NELL2: variants seen among roughly 807,000 people sequenced by gnomAD.
NELL2 encodes neural EGFL like 2.
Under a neutral mutation model 109.6 loss-of-function variants are expected in NELL2, and 41 were observed. The observed-to-expected ratio is 0.37, with a 90% CI of 0.29 to 0.49. The LOEUF (loss-of-function observed/expected upper bound fraction) is 0.49. NELL2 is among the 20% of genes least tolerant of loss of function. The pLI is 0.98. For synonymous variants in NELL2, 355 were observed against 344.7 expected (o/e 1.03, Z -0.33); for missense variants, 900 against 1,008.3 (o/e 0.89, Z 1.45).
chr12:44,827,182 T>C (rs1943738520), intron 2 of NELL2, among the ~76,000 whole-genome samples: 1 of 152,126 alleles, frequency 6.6e-6, no homozygotes, highest in South Asian at 2.1e-4. Flanking sequence ...CCAAGGTAGG[T>C]ATATATATTT....
chr12:44,549,000 A>T (rs1443126623), intron 15 of NELL2, among the ~76,000 whole-genome samples: 1 of 152,202 alleles, frequency 6.6e-6, no homozygotes, highest in Non-Finnish European at 1.5e-5. Flanking sequence ...ATGACCAGAG[A>T]TCAAAAGAAA....
chr12:44,828,487 C>A (rs74335178), intron 2 of NELL2, among the ~76,000 whole-genome samples: 2 of 152,264 alleles, frequency 1.3e-5, no homozygotes, highest in East Asian at 3.9e-4. Context: ...ATATACATTT[C>A]TTCATGTATC....
intron 15 of NELL2, among the ~76,000 whole-genome samples, chr12:44,566,115 A>G (rs1943648301): frequency 6.6e-6 from 1 of 152,158 alleles, no homozygotes; most frequent in Non-Finnish European, 1.5e-5. Context: ...GAAGAGTGGG[A>G]AAGACTTCCT....
At chr12:44,818,361 T>C (rs1462853738) in intron 2 of NELL2, among the ~76,000 whole-genome samples, 1 of 152,234 alleles carries the variant, frequency 6.6e-6, no homozygotes, top group African/African-American at 2.4e-5. Flanking sequence ...CTTCTCCTCT[T>C]TTCAGGCAGG....
chr12:44,650,328 C>CA (rs1350055671), intron 13 of NELL2, among the ~76,000 whole-genome samples: 21 of 143,618 alleles, frequency 1.5e-4, no homozygotes, highest in Admixed American at 2.8e-4. Flanking sequence ...TACAGCTTCT[C>CA]AAAAAAAAAG....
At chr12:44,914,435 C>T (rs1375318208), upstream of NELL2, among the ~76,000 whole-genome samples, 2 of 152,162 alleles carry the variant, frequency 1.3e-5, no homozygotes, top group Admixed American at 1.3e-4. Flanking sequence ...TGTACTTTGC[C>T]CAAATGTCAC....
At chr12:44,766,063 G>T (rs1320133481) in intron 9 of NELL2, among the ~76,000 whole-genome samples, 1 of 151,436 alleles carries the variant, frequency 6.6e-6, no homozygotes, top group African/African-American at 2.4e-5. Flanking sequence ...TCCAGCCTGG[G>T]TGACAGAGCA....
chr12:44,834,787 G>C (rs1270607702), intron 2 of NELL2, among the ~76,000 whole-genome samples: 1 of 152,138 alleles, frequency 6.6e-6, no homozygotes, highest in East Asian at 1.9e-4. Flanking sequence ...AACCTCCCCT[G>C]GCTAGACCCA....
At chr12:44,662,976 T>C (rs1056057470) in intron 13 of NELL2, among the ~76,000 whole-genome samples, 2 of 152,144 alleles carry the variant, frequency 1.3e-5, no homozygotes, top group African/African-American at 4.8e-5. Flanking sequence ...ACTACAAGTA[T>C]GTGGGTGTCT....
chr12:44,527,066 T>A (rs769884300), intron 16 of NELL2, among the ~76,000 whole-genome samples: 2 of 152,238 alleles, frequency 1.3e-5, no homozygotes, highest in Non-Finnish European at 2.9e-5. Flanking sequence ...CTAGGTACTC[T>A]GAGAAGCCTT....
At chr12:44,613,814 G>A (rs34276459) in intron 13 of NELL2, among the ~76,000 whole-genome samples, 4,709 of 152,056 alleles carry the variant, frequency 0.031, 102 homozygotes, top group Middle Eastern at 0.058. Flanking sequence ...ATAATTATTA[G>A]TGCTCCATTT....
intron 9 of NELL2, among the ~76,000 whole-genome samples, chr12:44,722,954 C>T (rs1206148620): frequency 1.3e-5 from 2 of 151,978 alleles, no homozygotes; most frequent in African/African-American, 4.8e-5. Context: ...TTTGGGAGGC[C>T]GAGGTGGGCA....
intron 11 of NELL2, among the ~76,000 whole-genome samples, chr12:44,708,145 ATCAC>A (rs1422849573): frequency 2.6e-5 from 4 of 152,172 alleles, no homozygotes; most frequent in Non-Finnish European, 5.9e-5. Context: ...TCCTCACTGA[ATCAC>A]TCAGTCTCTG....
At chr12:44,684,990 G>A (rs1396120078) in intron 12 of NELL2, among the ~76,000 whole-genome samples, 27 of 152,062 alleles carry the variant, frequency 1.8e-4, no homozygotes, top group African/African-American at 3.1e-4. Flanking sequence ...TTTCTGTCTC[G>A]TTGATCTGTC....
At chr12:44,730,067 C>A (rs1056428123) in intron 9 of NELL2, among the ~76,000 whole-genome samples, 1 of 152,028 alleles carries the variant, frequency 6.6e-6, no homozygotes, top group Non-Finnish European at 1.5e-5. Flanking sequence ...TATATAAAGA[C>A]AAGAGGGTTT....
chr12:44,707,408 T>A (rs1228667641), intron 11 of NELL2, among the ~76,000 whole-genome samples: 1 of 152,124 alleles, frequency 6.6e-6, no homozygotes, highest in Non-Finnish European at 1.5e-5. Context: ...AATAAAGCTA[T>A]CTCACAGGAG....
intron 10 of NELL2, among the ~76,000 whole-genome samples, chr12:44,711,783 C>T (rs905135518): frequency 2.0e-5 from 3 of 151,992 alleles, no homozygotes; most frequent in African/African-American, 2.4e-5. Flanking sequence ...ATTGAGCTTT[C>T]GAAACATTTC....
intron 12 of NELL2, among the ~76,000 whole-genome samples, chr12:44,702,460 G>C (rs149699662): frequency 2.3e-3 from 349 of 152,182 alleles, no homozygotes; most frequent in African/African-American, 8.0e-3. Flanking sequence ...AATCATATAA[G>C]TAAAATTCAA....
intron 15 of NELL2, among the ~76,000 whole-genome samples, chr12:44,569,590 T>C (rs1943784564): frequency 6.6e-6 from 1 of 152,182 alleles, no homozygotes; most frequent in Non-Finnish European, 1.5e-5. Context: ...GGCTCTGTTT[T>C]AGACCTCTTT....
Sources: gnomAD v4.1 joint callset for allele counts (sites outside exome capture counted in the v4.1 genomes callset) on GRCh38, gnomAD v4.1.1 for gene constraint, MANE v1.5 for transcripts, NCBI Gene and HGNC (gene_info 2026-07-23, HGNC 2026-07-21) for gene names.